SLC67A1: variants seen among roughly 807,000 people sequenced by gnomAD.
SLC67A1 encodes the protein solute carrier family 67 member 1.
the SLC67A1 span, among the ~76,000 whole-genome samples, chr11:2,917,619 G>A: frequency 6.6e-6 from 1 of 152,250 alleles, no homozygotes; most frequent in East Asian, 1.9e-4. Flanking sequence ...CTCTGCCCCA[G>A]GCCCCAGGCC....
chr11:2,903,502 C>T, the SLC67A1 span: 2 of 1,612,662 alleles, frequency 1.2e-6, no homozygotes, highest in East Asian at 2.2e-5. Flanking sequence ...GAGTAACACA[C>T]CCCAGCCCCT....
the SLC67A1 span, among the ~76,000 whole-genome samples, chr11:2,906,325 T>C: frequency 6.6e-6 from 1 of 152,166 alleles, no homozygotes; most frequent in Non-Finnish European, 1.5e-5. Context: ...TCTTCAAGGA[T>C]CTAGAACTAG....
chr11:2,909,654 C>T, the SLC67A1 span: 2 of 1,538,214 alleles, frequency 1.3e-6, no homozygotes, highest in African/African-American at 1.4e-5. Context: ...GCCTCTGCTT[C>T]GGCGTCGGAG....
chr11:2,909,626 CG>C, the SLC67A1 span: 8 of 1,532,934 alleles, frequency 5.2e-6, no homozygotes, highest in South Asian at 8.4e-5. Flanking sequence ...GAGCGGCCCG[CG>C]GCCCTGGGCC....
At chr11:2,907,117 G>A in the SLC67A1 span, among the ~76,000 whole-genome samples, 6 of 151,554 alleles carry the variant, frequency 4.0e-5, no homozygotes, top group South Asian at 2.1e-4. This position sits in a 1 kb window ranked among gnomAD's most constrained non-coding sequence, Gnocchi z 6.7. Flanking sequence ...CTGCCCTTGG[G>A]ACTGAAGTGC....
the SLC67A1 span, among the ~76,000 whole-genome samples, chr11:2,918,682 A>G: frequency 6.6e-6 from 1 of 150,866 alleles, no homozygotes; most frequent in African/African-American, 2.4e-5. Flanking sequence ...CTGGAACCCA[A>G]GTTACTAACC....
At chr11:2,924,995 C>T in the SLC67A1 span, 1 of 1,596,860 alleles carries the variant, frequency 6.3e-7, no homozygotes, top group Non-Finnish European at 8.5e-7. This position sits in a 1 kb window ranked among gnomAD's most constrained non-coding sequence, Gnocchi z 8.6. Flanking sequence ...CTGACTACCC[C>T]CATGCACCCC....
the SLC67A1 span, chr11:2,922,545 C>T: frequency 3.1e-6 from 5 of 1,612,678 alleles, no homozygotes; most frequent in South Asian, 3.3e-5. Context: ...GCTGTCTCCA[C>T]CTCGGACACA....
At chr11:2,917,101 G>T in the SLC67A1 span, 4 of 269,274 alleles carry the variant, frequency 1.5e-5, no homozygotes, top group African/African-American at 9.0e-5. Context: ...GGCCAGCAAG[G>T]CTCCGGAAGC....
chr11:2,920,834 T>C, the SLC67A1 span: 9 of 152,308 alleles, frequency 5.9e-5, no homozygotes, highest in African/African-American at 1.7e-4. Flanking sequence ...CTGACCTTGG[T>C]GTCTGAGTCC....
chr11:2,917,863 C>A, the SLC67A1 span: 1 of 681,626 alleles, frequency 1.5e-6, no homozygotes, highest in Non-Finnish European at 2.4e-6. Flanking sequence ...GGTGCTGAAG[C>A]CAAGGAAGGA....
the SLC67A1 span, chr11:2,899,732 A>T: frequency 4.9e-6 from 7 of 1,417,014 alleles, no homozygotes; most frequent in Admixed American, 2.7e-5. Context: ...ACAAAAAAAA[A>T]GGTCTCTCCG....
At chr11:2,923,298 A>T in the SLC67A1 span, among the ~76,000 whole-genome samples, 1 of 150,600 alleles carries the variant, frequency 6.6e-6, no homozygotes. The surrounding 1 kb of genome is among the most constrained non-coding windows in gnomAD (Gnocchi z 6.5). Context: ...CACATCTGAC[A>T]CTCCATCCAC....
At chr11:2,923,023 G>C in the SLC67A1 span, among the ~76,000 whole-genome samples, 232 of 152,312 alleles carry the variant, frequency 1.5e-3, 6 homozygotes, top group East Asian at 0.042. The surrounding 1 kb of genome is among the most constrained non-coding windows in gnomAD (Gnocchi z 6.5). Flanking sequence ...AGGGGACACA[G>C]GTCCCCTAGA....
At chr11:2,900,889 T>G in the SLC67A1 span, among the ~76,000 whole-genome samples, 1 of 152,254 alleles carries the variant, frequency 6.6e-6, no homozygotes, top group Non-Finnish European at 1.5e-5. Context: ...ATTCCTTCCT[T>G]CTGGGCATGG....
chr11:2,919,180 C>T, the SLC67A1 span: 1 of 671,682 alleles, frequency 1.5e-6, no homozygotes, highest in East Asian at 2.6e-5. Flanking sequence ...ATCACAGGCC[C>T]CTCCCTGAAC....
At chr11:2,922,922 G>T in the SLC67A1 span, among the ~76,000 whole-genome samples, 1 of 152,180 alleles carries the variant, frequency 6.6e-6, no homozygotes, top group Non-Finnish European at 1.5e-5. Context: ...CGGGGAGTGG[G>T]GCACACAAGT....
the SLC67A1 span, chr11:2,919,381 A>G: frequency 3.1e-6 from 5 of 1,613,566 alleles, no homozygotes; most frequent in Non-Finnish European, 4.2e-6. Context: ...TGGCTACCTC[A>G]TGTCCTTCTT....
chr11:2,919,121 C>G, the SLC67A1 span: 3 of 357,040 alleles, frequency 8.4e-6, no homozygotes, highest in South Asian at 7.3e-5. Context: ...ACTTTCCACA[C>G]CAGGGATACG....
Sources: gnomAD v4.1 joint callset for allele counts (sites outside exome capture counted in the v4.1 genomes callset) on GRCh38, gnomAD v4.1.1 for gene constraint, Gnocchi (gnomAD v3.1) non-coding constraint, MANE v1.5 for transcripts, NCBI Gene and HGNC (gene_info 2026-07-23, HGNC 2026-07-21) for gene names.